Variants in SMYD2 observed in about 807,000 individuals in gnomAD.
SMYD2 encodes SET and MYND domain containing 2.
SMYD2 carries 53 observed loss-of-function variants against 59.1 expected under a neutral mutation model. That is an observed-to-expected ratio of 0.90 (90% CI 0.72 to 1.13). The LOEUF is 1.13. SMYD2 is among the 50% of genes most tolerant of loss of function. SMYD2 has a pLI of 0.00. For missense variants in SMYD2, 494 were observed against 544.7 expected (o/e 0.91, Z 0.93); for synonymous variants, 208 against 198.8 (o/e 1.05, Z -0.39).
chr1:214,304,558 C>CAAAAAAAAAAAAAA lies in SMYD2; in HGVS notation c.174-618_174-605dup, dbSNP rs56254326. ...TGGGTGACAGAGTGAGACCCTATCTCAAAAAAAAAAAAAAAAAAAAAAAAG... is the reference window on the plus strand; with the variant it reads ...TGGGTGACAGAGTGAGACCCTATCTCAAAAAAAAAAAAAAAAAAAAAAAAAAAAAAAAAAAAAAG... On this transcript the variant is annotated intron_variant, in intron 1 of 11. Coordinates refer to ENST00000366957, the MANE Select transcript of SMYD2 (RefSeq NM_020197.3). Among the ~76,000 whole-genome samples the CAAAAAAAAAAAAAA allele has an allele frequency of 8.3e-5, 4 of 48,026 alleles. 1 individual carries two copies. The highest frequency in any genetic ancestry group is 3.6e-4 in the African/African-American group (4 of 11,252). The allele number at this position is 48,026 out of a possible 152,430, so 31.5% of individuals were successfully genotyped here.
rs1657122999 is a variant in SMYD2 at position 214,318,628 on chromosome 1, G to A, written c.410-231G>A. ...TCAGTCGAAATCTCACGTCCCAAGT[G>A]ACTTCTAGTCATCAGAGGGAGAGAA... On this transcript the variant is annotated intron_variant, in intron 4 of 11. Transcript: ENST00000366957. This position sits in a 1 kb window ranked among gnomAD's most constrained non-coding sequence, Gnocchi z 5.4. Among the ~76,000 whole-genome samples the A allele has an allele frequency of 1.3e-5, 2 of 152,072 alleles. 1 individual carries two copies. Among genetic ancestry groups the A allele is most frequent in the Admixed American group, 1.3e-4 (2 of 15,272 alleles).
intron 1 of SMYD2, among the ~76,000 whole-genome samples, chr1:214,294,263 C>T (rs748041015): frequency 2.4e-4 from 37 of 152,182 alleles, no homozygotes; most frequent in Non-Finnish European, 4.6e-4. Context: ...CGGGGTAATT[C>T]GCCTAAACAA....
intron 1 of SMYD2, among the ~76,000 whole-genome samples, chr1:214,292,624 G>T (rs1169021622): frequency 6.6e-6 from 1 of 152,142 alleles, no homozygotes; most frequent in Non-Finnish European, 1.5e-5. Flanking sequence ...GTGGCCCTTT[G>T]CATAGGCCTC....
rs766548361 is a variant in SMYD2, at chr1:214,314,920, T to G, written c.348+48T>G. The G allele has an allele frequency of 3.4e-6, 5 of 1,453,648 alleles. No homozygotes were observed. In the Admixed American group the frequency reaches 8.6e-5, roughly 25 times the overall value. 90.0% of individuals were successfully genotyped at this position (1,453,648 alleles called of 1,614,324 possible). A position where few individuals can be genotyped will look rare whatever the true frequency, so the allele number is the denominator to read the frequency against. On this transcript the variant is annotated intron_variant, in intron 3 of 11. Coordinates refer to ENST00000366957, the MANE Select transcript of SMYD2 (RefSeq NM_020197.3). ...AAGTGCATTTTATTTTGTTTTTCTT[T>G]TAAAGGTCAGAAAGATGAGTAACTG...
intron 1 of SMYD2, among the ~76,000 whole-genome samples, chr1:214,285,405 A>G (rs910437810): frequency 6.6e-6 from 1 of 152,236 alleles, no homozygotes; most frequent in Non-Finnish European, 1.5e-5. Context: ...CAGGACTGCT[A>G]TGACTCTGGC....
At chr1:214,324,423 C>G (rs1037998218) in intron 5 of SMYD2, among the ~76,000 whole-genome samples, 1 of 151,716 alleles carries the variant, frequency 6.6e-6, no homozygotes, top group Non-Finnish European at 1.5e-5. Context: ...GGTAGGTAGG[C>G]TACACTAAGG....
intron 1 of SMYD2, among the ~76,000 whole-genome samples, chr1:214,281,731 C>CTCCGAGCCAGGCTTGT (rs1212253428): frequency 1.3e-5 from 2 of 152,244 alleles, no homozygotes; most frequent in East Asian, 3.9e-4. Flanking sequence ...CAAATGTGGG[C>CTCCGAGCCAGGCTTGT]TCCGAGCCAG....
rs1399975663 is a variant in SMYD2 at position 214,285,508 on chromosome 1, A to C, written c.173+4081A>C. ...TTTTCTGAATAAAAAAATTGAATAC[A>C]TGCTCTAATAAAGGGGTTCCCCTTC... On this transcript the variant is annotated intron_variant, in intron 1 of 11. Coordinates refer to ENST00000366957, the MANE Select transcript of SMYD2 (RefSeq NM_020197.3). 2.0e-5 allele frequency among the ~76,000 whole-genome samples: 3 copies of C among 152,330 alleles called. No individual in the cohort carries two copies. The South Asian group carries it at 6.2e-4, about 32-fold the overall frequency.
At chr1:214,323,450 G>A (rs1407262019) in intron 5 of SMYD2, among the ~76,000 whole-genome samples, 1 of 151,300 alleles carries the variant, frequency 6.6e-6, no homozygotes, top group Admixed American at 6.6e-5. Context: ...CTTTTTTTTT[G>A]AGATGGAGTC....
chr1:214,324,737 CT>C, intron 6 of SMYD2, 29 bp downstream of exon 6: 1 of 1,585,298 alleles, frequency 6.3e-7, no homozygotes, highest in South Asian at 1.2e-5. Context: ...CATTTCTTTC[CT>C]TTTTACTTAC....
chr1:214,325,877 CTG>C, intron 6 of SMYD2, among the ~76,000 whole-genome samples: 1 of 145,500 alleles, frequency 6.9e-6, no homozygotes, highest in Non-Finnish European at 1.5e-5. Context: ...ACCTTTATAA[CTG>C]AAATGAACTA....
At chr1:214,292,746 C>T (rs1394051023) in intron 1 of SMYD2, among the ~76,000 whole-genome samples, 2 of 152,054 alleles carry the variant, frequency 1.3e-5, no homozygotes, top group Non-Finnish European at 2.9e-5. Context: ...CTACTAAGTG[C>T]CCCTCCCATC....
chr1:214,323,787 T>C (rs183483985), intron 5 of SMYD2, among the ~76,000 whole-genome samples: 1 of 152,314 alleles, frequency 6.6e-6, no homozygotes, highest in Admixed American at 6.5e-5. Context: ...GTGATTTGGC[T>C]GAGACTTGAA....
In SMYD2 at chr1:214,330,167, G is replaced by C; in HGVS notation, c.706-1G>C. 6.3e-7 allele frequency: 1 copy of C among 1,597,196 alleles called. No individual in the cohort carries two copies. Among genetic ancestry groups the C allele is most frequent in the Non-Finnish European group, 8.6e-7 (1 of 1,168,962 alleles). On this transcript the variant is annotated splice_acceptor_variant, in intron 7 of 11. Transcript: ENST00000366957. LOFTEE classifies it high-confidence loss of function. ...AAGCTTTATCTTTTTGGACCCCGTAGGTTTTTACCAGCTATATTGATCTCC... is the reference window on the plus strand; with the variant it reads ...AAGCTTTATCTTTTTGGACCCCGTACGTTTTTACCAGCTATATTGATCTCC...
intron 2 of SMYD2, among the ~76,000 whole-genome samples, chr1:214,305,716 G>A (rs1052480243): frequency 2.8e-5 from 1 of 36,258 alleles, no homozygotes; most frequent in Non-Finnish European, 5.0e-5. Context: ...ATAGCCAGAG[G>A]GGGGGCTATT....
chr1:214,296,585 G>C (rs1656731401), intron 1 of SMYD2, among the ~76,000 whole-genome samples: 1 of 152,142 alleles, frequency 6.6e-6, no homozygotes, highest in Admixed American at 6.5e-5. Context: ...GTAGTACCCA[G>C]CATTTATTGA....
rs138735917 is a variant in SMYD2, at chr1:214,315,753, G to A, written c.348+881G>A. 1.0e-2 allele frequency among the ~76,000 whole-genome samples: 1,520 copies of A among 152,278 alleles called. 23 individuals are homozygous for A. Among genetic ancestry groups the A allele is most frequent in the African/African-American group, 0.035 (1,436 of 41,548 alleles). On this transcript the variant is annotated intron_variant, in intron 3 of 11. Transcript: ENST00000366957. ...GAAGAAATGTGTACAGCAGTTACAA[G>A]GAAAGGCAAGGATGCTATGCAAATC...
At chr1:214,319,054 C>A in intron 5 of SMYD2, 71 bp downstream of exon 5, 3 of 1,554,062 alleles carry the variant, frequency 1.9e-6, no homozygotes, top group Non-Finnish European at 2.6e-6. Flanking sequence ...CTAGCAAGCA[C>A]TCAGTGAAGA....
chr1:214,302,416 C>T (rs1225553144), intron 1 of SMYD2, among the ~76,000 whole-genome samples: 1 of 151,864 alleles, frequency 6.6e-6, no homozygotes, highest in African/African-American at 2.4e-5. Context: ...CCTTCAGGAA[C>T]CTTTACGCCT....
Sources: gnomAD v4.1 joint callset for allele counts (sites outside exome capture counted in the v4.1 genomes callset) on GRCh38, gnomAD v4.1.1 for gene constraint, Gnocchi (gnomAD v3.1) non-coding constraint, MANE v1.5 for transcripts, NCBI Gene and HGNC (gene_info 2026-07-23, HGNC 2026-07-21) for gene names.